Variants in GAS2 observed in about 807,000 individuals in gnomAD.
GAS2 encodes the protein growth arrest specific 2, also known as growth arrest-specific protein 2.
In GAS2, 20 loss-of-function variants were observed where a neutral mutation model predicts 37.5. That is an observed-to-expected ratio of 0.53 (90% CI 0.37 to 0.77). GAS2 has a LOEUF of 0.77. GAS2 is among the 30% of genes least tolerant of loss of function. The pLI is 0.00. For missense variants in GAS2, 336 were observed against 373.4 expected (o/e 0.90, Z 0.82); for synonymous variants, 144 against 132.2 (o/e 1.09, Z -0.61).
chr11:22,749,127 G>T lies in GAS2; in HGVS notation c.481G>T (p.Val161Leu). Reference protein sequence around the residue: ...ELGRIAARYGVEPPGLIKLEK... With the variant: ...ELGRIAARYGLEPPGLIKLEK... ...TCCAGGGTCTTTTTAAAGGTATGGTGTGGAGCCTCCTGGTTTGATAAAGCT... is the reference window on the plus strand; with the variant it reads ...TCCAGGGTCTTTTTAAAGGTATGGTTTGGAGCCTCCTGGTTTGATAAAGCT... Residue 161 changes from valine (V) to leucine (L), a missense_variant, in exon 6 of 8, where the codon GTG becomes TTG. Transcript: ENST00000454584. The T allele has an allele frequency of 6.2e-7, 1 of 1,611,826 alleles. No individual in the cohort carries two copies. Among genetic ancestry groups the T allele is most frequent in the Non-Finnish European group, 8.5e-7 (1 of 1,178,786 alleles).
chr11:22,772,838 A>T (rs146262531), intron 7 of GAS2, among the ~76,000 whole-genome samples: 76 of 152,256 alleles, frequency 5.0e-4, no homozygotes, highest in African/African-American at 1.5e-3. Context: ...GCATTATCCT[A>T]CTTAAAGTTT....
chr11:22,651,794 A>G (rs983642860), intron 1 of GAS2, among the ~76,000 whole-genome samples: 7 of 151,956 alleles, frequency 4.6e-5, no homozygotes, highest in African/African-American at 7.3e-5. Flanking sequence ...ACTTCTCTGT[A>G]TTGGTTATTC....
intron 7 of GAS2, among the ~76,000 whole-genome samples, chr11:22,808,294 T>C (rs989238378): frequency 3.3e-5 from 5 of 152,210 alleles, no homozygotes; most frequent in Non-Finnish European, 7.3e-5. Context: ...AGACTCCTCT[T>C]ACAAAGGCAG....
chr11:22,671,338 C>A (rs549893244), intron 1 of GAS2, among the ~76,000 whole-genome samples: 9 of 151,906 alleles, frequency 5.9e-5, no homozygotes, highest in African/African-American at 9.6e-5. Flanking sequence ...TTAGGTAGAC[C>A]GAGAAAGCTT....
chr11:22,761,317 T>C lies in GAS2; in HGVS notation c.723+5364T>C, dbSNP rs1367491424. ...TGATAAACTTATCTGTGCTAATTTA[T>C]GAAATGGATGCAGACAGCCCCAGTG... On this transcript the variant is annotated intron_variant, in intron 7 of 7. Transcript: ENST00000454584. 6.6e-5 allele frequency among the ~76,000 whole-genome samples: 10 copies of C among 152,296 alleles called. No individual in the cohort carries two copies. The East Asian group carries it at 1.7e-3, about 26-fold the overall frequency.
intron 3 of GAS2, among the ~76,000 whole-genome samples, chr11:22,689,403 AT>A (rs1281930871): frequency 2.6e-5 from 4 of 152,316 alleles, no homozygotes; most frequent in African/African-American, 9.6e-5. Flanking sequence ...TCTTGGCAGC[AT>A]TTATATATTC....
chr11:22,736,660 T>C (rs1341780433), intron 4 of GAS2, among the ~76,000 whole-genome samples: 2 of 152,094 alleles, frequency 1.3e-5, no homozygotes, highest in Non-Finnish European at 2.9e-5. Flanking sequence ...TTTAAGTGAA[T>C]AGAATAATAC....
chr11:22,671,675 G>A (rs917777931), intron 1 of GAS2, among the ~76,000 whole-genome samples: 6 of 152,086 alleles, frequency 3.9e-5, no homozygotes, highest in East Asian at 1.9e-4. Flanking sequence ...TGTTCTTTAC[G>A]ATGTAATTCA....
At chr11:22,659,035 G>A (rs780877765) in intron 1 of GAS2, among the ~76,000 whole-genome samples, 9 of 152,152 alleles carry the variant, frequency 5.9e-5, no homozygotes, top group Admixed American at 2.6e-4. Context: ...TTAAGGAGAT[G>A]CATATGGTTG....
Position 22,674,907 on chromosome 11 carries a change from C to T in GAS2, c.38C>T (p.Pro13Leu). 3.7e-6 allele frequency: 6 copies of T among 1,613,490 alleles called. No individual in the cohort carries two copies. The highest frequency in any genetic ancestry group is 5.1e-6 in the Non-Finnish European group (6 of 1,179,662). Residue 13 changes from proline (P) to leucine (L), a missense_variant, in exon 2 of 8, where the codon CCT becomes CTT. Physicochemically the swap from Pro to Leu is moderately conservative, Grantham distance 98 (BLOSUM62 -3). Transcript: ENST00000454584. ...TALSPKVRSG[P>L]GLSDMHQYSQ... ...CTGAGCCCAAAGGTACGCAGTGGACCTGGCCTCTCTGATATGCATCAGTAT... is the reference window on the plus strand; with the variant it reads ...CTGAGCCCAAAGGTACGCAGTGGACTTGGCCTCTCTGATATGCATCAGTAT...
intron 2 of GAS2, among the ~76,000 whole-genome samples, chr11:22,683,851 A>T (rs1168735434): frequency 1.3e-5 from 2 of 152,218 alleles, no homozygotes; most frequent in African/African-American, 4.8e-5. Context: ...ATAATAATAA[A>T]AAAGATATAC....
intron 4 of GAS2, among the ~76,000 whole-genome samples, chr11:22,726,647 G>T (rs1460316581): frequency 6.6e-6 from 1 of 152,012 alleles, no homozygotes; most frequent in African/African-American, 2.4e-5. Context: ...TTACCTCATG[G>T]ATACAAGAAT....
chr11:22,692,388 C>T (rs757432894), intron 3 of GAS2, among the ~76,000 whole-genome samples: 4 of 152,142 alleles, frequency 2.6e-5, no homozygotes, highest in Non-Finnish European at 4.4e-5. Context: ...GTCCTGATGA[C>T]ATGTGCCCAA....
At chr11:22,641,312 ATTTATATATC>A (rs770353963) in intron 1 of GAS2, among the ~76,000 whole-genome samples, 36 of 64,436 alleles carry the variant, frequency 5.6e-4, no homozygotes, top group Admixed American at 1.4e-3. Flanking sequence ...CTTTATATAT[ATTTATATATC>A]TTTATATATA....
intron 3 of GAS2, among the ~76,000 whole-genome samples, chr11:22,706,528 C>A (rs1335042942): frequency 6.6e-6 from 1 of 151,798 alleles, no homozygotes; most frequent in Non-Finnish European, 1.5e-5. Context: ...TGTTCCCCTT[C>A]CTGTGTCCAT....
At position 22,658,893 on chromosome 11, in the gene GAS2, C is replaced by T. The variant is rs138520437; in HGVS notation, c.-20-15957C>T. Among the ~76,000 whole-genome samples, 46 of 152,234 alleles carry T rather than the reference C, an allele frequency of 3.0e-4. No homozygotes were observed. In the East Asian group the frequency reaches 6.8e-3, roughly 22 times the overall value. Reference sequence around the variant, plus strand: ...GCCATAAATCTGAATGTTGAAATTACGAAAGCCCAATTGTGGGGATGAGAT... The same window carrying T: ...GCCATAAATCTGAATGTTGAAATTATGAAAGCCCAATTGTGGGGATGAGAT... On this transcript the variant is annotated intron_variant, in intron 1 of 5. Transcript: ENST00000528582.
intron 1 of GAS2, among the ~76,000 whole-genome samples, chr11:22,658,790 C>T (rs544236235): frequency 1.3e-5 from 2 of 152,198 alleles, no homozygotes; most frequent in African/African-American, 4.8e-5. Flanking sequence ...ATCTCCCTGA[C>T]TTTTATCTCC....
chr11:22,805,203 A>G (rs1016262652), intron 7 of GAS2, among the ~76,000 whole-genome samples: 41 of 152,106 alleles, frequency 2.7e-4, no homozygotes, highest in Admixed American at 6.6e-5. Context: ...AAGAATTTAT[A>G]TATGGGTCCT....
chr11:22,770,166 A>G (rs1465879551), intron 7 of GAS2, among the ~76,000 whole-genome samples: 1 of 152,134 alleles, frequency 6.6e-6, no homozygotes, highest in Non-Finnish European at 1.5e-5. Context: ...AGGTGAGGTG[A>G]GGAAGAGCAT....
Sources: allele counts gnomAD v4.1 joint callset (sites outside exome capture counted in the v4.1 genomes callset), GRCh38; gene constraint gnomAD v4.1.1; transcripts MANE v1.5; gene names NCBI Gene and HGNC (gene_info 2026-07-23, HGNC 2026-07-21).